Variants in PDE4B observed in about 807,000 individuals in gnomAD.
PDE4B encodes the protein phosphodiesterase 4B, also known as 3',5'-cyclic-AMP phosphodiesterase 4B.
In PDE4B, 20 loss-of-function variants were observed where a neutral mutation model predicts 82.2. The observed-to-expected ratio is 0.24, with a 90% CI of 0.17 to 0.35. PDE4B has a LOEUF of 0.35. Among genes scored for constraint, PDE4B ranks in the 10% least tolerant of loss-of-function variants. The pLI, the probability that PDE4B is intolerant of heterozygous loss-of-function variation, is 1.00. For synonymous variants in PDE4B, 320 were observed against 318.9 expected (o/e 1.00, Z -0.04); for missense variants, 655 against 907.2 (o/e 0.72, Z 3.57).
chr1:65,857,749 T>C (rs1414241432), intron 1 of PDE4B, among the ~76,000 whole-genome samples: 2 of 152,250 alleles, frequency 1.3e-5, no homozygotes, highest in East Asian at 3.8e-4. Context: ...GGGCATACGG[T>C]CTAACTCCAG....
intron 3 of PDE4B, among the ~76,000 whole-genome samples, chr1:66,190,449 AG>A (rs1250003356): frequency 1.3e-5 from 2 of 152,192 alleles, no homozygotes; most frequent in African/African-American, 4.8e-5. Flanking sequence ...CTACAGAGGC[AG>A]GCAGGCCTCC....
intron 3 of PDE4B, among the ~76,000 whole-genome samples, chr1:66,088,043 A>T (rs1644929824): frequency 6.6e-6 from 1 of 152,000 alleles, no homozygotes; most frequent in Non-Finnish European, 1.5e-5. Flanking sequence ...ATAATAAAAA[A>T]AAGTTTACGG....
intron 3 of PDE4B, among the ~76,000 whole-genome samples, chr1:66,028,321 G>T (rs61796571): frequency 6.6e-6 from 1 of 151,950 alleles, no homozygotes. Context: ...TGGGACACAG[G>T]GCACCAAGTA....
chr1:66,054,451 C>G (rs750386578), intron 3 of PDE4B, among the ~76,000 whole-genome samples: 1 of 152,192 alleles, frequency 6.6e-6, no homozygotes, highest in Non-Finnish European at 1.5e-5. Flanking sequence ...CTCATGCCCC[C>G]ACCTTTTAGT....
intron 3 of PDE4B, among the ~76,000 whole-genome samples, chr1:65,934,184 G>A (rs540265193): frequency 6.6e-6 from 1 of 152,286 alleles, no homozygotes; most frequent in South Asian, 2.1e-4. Context: ...CACAAAGGAA[G>A]ACAGCATGAG....
chr1:66,323,382 A>G (rs1659541479), intron 7 of PDE4B, among the ~76,000 whole-genome samples: 2 of 152,124 alleles, frequency 1.3e-5, no homozygotes, highest in African/African-American at 4.8e-5. Flanking sequence ...CCTATTATAA[A>G]TGTTTATAGC....
intron 9 of PDE4B, among the ~76,000 whole-genome samples, chr1:66,356,639 A>T (rs957154630): frequency 6.6e-6 from 1 of 152,226 alleles, no homozygotes; most frequent in African/African-American, 2.4e-5. Context: ...ACTGAAACAA[A>T]TACCTTTTCT....
chr1:66,166,461 C>T (rs1002961008), intron 3 of PDE4B, among the ~76,000 whole-genome samples: 3 of 152,078 alleles, frequency 2.0e-5, no homozygotes, highest in Admixed American at 6.5e-5. Flanking sequence ...GGGGGCTGGG[C>T]GGGTTGGCTC....
At chr1:66,256,458 G>A (rs145022686) in intron 4 of PDE4B, among the ~76,000 whole-genome samples, 119 of 152,258 alleles carry the variant, frequency 7.8e-4, no homozygotes, top group African/African-American at 2.7e-3. Flanking sequence ...CACAAATAAT[G>A]CTTACTCCTT....
intron 7 of PDE4B, among the ~76,000 whole-genome samples, chr1:66,280,074 G>C (rs991665781): frequency 6.6e-6 from 1 of 152,206 alleles, no homozygotes; most frequent in Non-Finnish European, 1.5e-5. Context: ...CTGGAATTAT[G>C]CCTAGCTCTT....
At chr1:66,030,936 A>C (rs1325335903) in intron 3 of PDE4B, among the ~76,000 whole-genome samples, 1 of 152,194 alleles carries the variant, frequency 6.6e-6, no homozygotes, top group Non-Finnish European at 1.5e-5. Context: ...AAATACAGGA[A>C]TGATAGACCC....
chr1:66,219,811 T>C (rs756378130), intron 3 of PDE4B, among the ~76,000 whole-genome samples: 5 of 152,192 alleles, frequency 3.3e-5, no homozygotes, highest in African/African-American at 9.6e-5. Context: ...ATGAGCCACA[T>C]TGTTAACAAT....
chr1:65,979,074 A>G (rs1419521274), intron 3 of PDE4B, among the ~76,000 whole-genome samples: 1 of 152,178 alleles, frequency 6.6e-6, no homozygotes, highest in Non-Finnish European at 1.5e-5. Flanking sequence ...AACTGTGAAA[A>G]TCAACTTCAA....
intron 3 of PDE4B, among the ~76,000 whole-genome samples, chr1:66,070,997 CTG>C (rs955089323): frequency 1.1e-4 from 17 of 151,824 alleles, no homozygotes; most frequent in African/African-American, 2.9e-4. Context: ...ATAAAAATGA[CTG>C]TTTAAAATTT....
chr1:66,100,345 G>A (rs1030450602), intron 3 of PDE4B, among the ~76,000 whole-genome samples: 1 of 152,080 alleles, frequency 6.6e-6, no homozygotes, highest in East Asian at 1.9e-4. Context: ...GAGCCACTGT[G>A]TCCAGCCTGT....
At chr1:65,854,954 T>C (rs1018491549) in intron 1 of PDE4B, among the ~76,000 whole-genome samples, 2 of 151,824 alleles carry the variant, frequency 1.3e-5, no homozygotes, top group African/African-American at 4.8e-5. Context: ...TTACTATTTT[T>C]AAATTTTCAT....
intron 3 of PDE4B, among the ~76,000 whole-genome samples, chr1:66,234,833 A>G (rs1288780740): frequency 6.7e-6 from 1 of 148,324 alleles, no homozygotes; most frequent in African/African-American, 2.5e-5. Flanking sequence ...TTTGTGATTT[A>G]TTTGCTTTTT....
chr1:65,924,061 G>A (rs1032299195), intron 3 of PDE4B, among the ~76,000 whole-genome samples: 1 of 137,890 alleles, frequency 7.3e-6, no homozygotes, highest in African/African-American at 2.7e-5. Context: ...TTTCTAATCT[G>A]CCTTCCAGTT....
intron 3 of PDE4B, among the ~76,000 whole-genome samples, chr1:66,165,052 C>A (rs1158416766): frequency 6.6e-6 from 1 of 152,092 alleles, no homozygotes; most frequent in African/African-American, 2.4e-5. Context: ...TAAGCCACCA[C>A]GCCTGGCCAC....
Sources: allele counts gnomAD v4.1 joint callset (sites outside exome capture counted in the v4.1 genomes callset), GRCh38; gene constraint gnomAD v4.1.1; transcripts MANE v1.5; gene names NCBI Gene and HGNC (gene_info 2026-07-23, HGNC 2026-07-21).